Variants in CDH7 observed in about 807,000 individuals in gnomAD.
CDH7 encodes cadherin 7.
Under a neutral mutation model 71.8 loss-of-function variants are expected in CDH7, and 25 were observed. The ratio of observed to expected loss-of-function variants is 0.35; its 90% CI spans 0.25 to 0.49. CDH7 has a LOEUF of 0.49. CDH7 is among the 20% of genes least tolerant of loss of function. The pLI, the probability that CDH7 is intolerant of heterozygous loss-of-function variation, is 0.99. For synonymous variants in CDH7, 381 were observed against 363.8 expected, an observed-to-expected ratio of 1.05 and a Z score of -0.54; for missense variants, 862 against 974.6, an observed-to-expected ratio of 0.88 and a Z score of 1.54.
intron 11 of CDH7, among the ~76,000 whole-genome samples, chr18:65,869,545 ATTTTTTT>A (rs10696115): frequency 1.1e-4 from 10 of 91,374 alleles, no homozygotes; most frequent in South Asian, 8.5e-4. Flanking sequence ...AAGTGGGTCA[ATTTTTTT>A]TTTTTTTTTT....
intron 2 of CDH7, among the ~76,000 whole-genome samples, chr18:65,767,312 A>G (rs1916407651): frequency 6.6e-6 from 1 of 152,152 alleles, no homozygotes; most frequent in Admixed American, 6.5e-5. Flanking sequence ...CCTGATATCT[A>G]AAGATACATT....
At chr18:65,781,771 C>CTTTCTTTCTTTCTTTCTTTCTATCTTTCT (rs1568181257) in intron 2 of CDH7, among the ~76,000 whole-genome samples, 3 of 39,082 alleles carry the variant, frequency 7.7e-5, no homozygotes, top group Non-Finnish European at 1.0e-4. Context: ...TCTTTCTTTC[C>CTTTCTTTCTTTCTTTCTTTCTATCTTTCT]TTCCTTCCTT....
intron 6 of CDH7, among the ~76,000 whole-genome samples, chr18:65,832,652 A>T (rs1912391557): frequency 1.3e-5 from 2 of 152,098 alleles, no homozygotes; most frequent in Admixed American, 6.5e-5. Context: ...TTCTATGATA[A>T]CCTTTATAAC....
chr18:65,853,928 T>TATCC (rs1555689506), intron 7 of CDH7, among the ~76,000 whole-genome samples: 23 of 98,084 alleles, frequency 2.3e-4, no homozygotes, highest in African/African-American at 8.1e-4. Flanking sequence ...TATATATATA[T>TATCC]ATATATATAT....
rs34255831 is a variant in CDH7 at position 65,833,590 on chromosome 18, A to G, written c.981+8759A>G. ...TTCTGAACTTCAGATTATATTTTCCACTTAATTCAATCATTGTTACTATGT... is the reference window on the plus strand; with the variant it reads ...TTCTGAACTTCAGATTATATTTTCCGCTTAATTCAATCATTGTTACTATGT... On this transcript the variant is annotated intron_variant, in intron 6 of 11. Coordinates refer to ENST00000397968, the MANE Select transcript of CDH7 (RefSeq NM_004361.5). Among the ~76,000 whole-genome samples the G allele has an allele frequency of 5.3e-3, 802 of 152,238 alleles. 3 individuals carry two copies. Among genetic ancestry groups the G allele is most frequent in the South Asian group, 0.011 (54 of 4,820 alleles).
At chr18:65,862,489 T>C (rs1229524159) in intron 10 of CDH7, among the ~76,000 whole-genome samples, 177 bp from the exon 11 acceptor site, 1 of 152,230 alleles carries the variant, frequency 6.6e-6, no homozygotes, top group Non-Finnish European at 1.5e-5. Flanking sequence ...TTATAATGTA[T>C]TAAACTGGAA....
At chr18:65,805,356 A>C (rs908484219) in intron 2 of CDH7, among the ~76,000 whole-genome samples, 1 of 152,204 alleles carries the variant, frequency 6.6e-6, no homozygotes, top group Non-Finnish European at 1.5e-5. Context: ...AGTGAGAACT[A>C]GTCCAGCATG....
At chr18:65,849,265 G>C (rs957562937) in intron 7 of CDH7, among the ~76,000 whole-genome samples, 1 of 152,076 alleles carries the variant, frequency 6.6e-6, no homozygotes, top group Non-Finnish European at 1.5e-5. Context: ...CATTAGAGTA[G>C]TGTACTTACT....
intron 7 of CDH7, among the ~76,000 whole-genome samples, chr18:65,850,057 G>A (rs1913090538): frequency 6.6e-6 from 1 of 151,130 alleles, no homozygotes; most frequent in Non-Finnish European, 1.5e-5. Flanking sequence ...CCAGCTACTC[G>A]GGAGGCTGAG....
At position 65,782,051 on chromosome 18, in the gene CDH7, TTCCTTCCTTC is replaced by T. The variant is rs1568182267; in HGVS notation, c.210+19000_210+19009del. On this transcript the variant is annotated intron_variant, in intron 2 of 11. Transcript: ENST00000397968. Reference sequence around the variant, plus strand: ...CTCCCTTCCTTCCTTCCTTCCTTCCTTCCTTCCTTCCTTTCTTTCTTTCTTTCTTTCCTTC... The same window carrying T: ...CTCCCTTCCTTCCTTCCTTCCTTCCTCTTTCTTTCTTTCTTTCTTTCCTTC... Among the ~76,000 whole-genome samples the T allele has an allele frequency of 2.1e-4, 13 of 62,148 alleles. 5 individuals are homozygous for T. The highest frequency in any genetic ancestry group is 1.3e-3 in the African/African-American group (9 of 7,114). The allele number at this position is 62,148 out of a possible 152,430, so 40.8% of individuals were successfully genotyped here. A position where few individuals can be genotyped will look rare whatever the true frequency, so the allele number is the denominator to read the frequency against.
chr18:65,753,695 G>T (rs1464720251), intron 1 of CDH7, among the ~76,000 whole-genome samples: 1 of 152,140 alleles, frequency 6.6e-6, no homozygotes, highest in Non-Finnish European at 1.5e-5. Context: ...CATCTCCCCA[G>T]CGTCTGACAA....
chr18:65,783,208 A>C (rs1362408780), intron 2 of CDH7, among the ~76,000 whole-genome samples: 4 of 152,234 alleles, frequency 2.6e-5, no homozygotes, highest in Non-Finnish European at 5.9e-5. Flanking sequence ...TTTGGACCAC[A>C]GTGCATGAAA....
chr18:65,816,447 T>C (rs1374156357), intron 4 of CDH7, among the ~76,000 whole-genome samples: 2 of 152,158 alleles, frequency 1.3e-5, no homozygotes, highest in African/African-American at 2.4e-5. Context: ...GTCTGATTCA[T>C]TTATATGTGA....
chr18:65,806,699 C>A (rs1398543707), intron 2 of CDH7, among the ~76,000 whole-genome samples: 1 of 151,914 alleles, frequency 6.6e-6, no homozygotes, highest in Non-Finnish European at 1.5e-5. Flanking sequence ...CACGTGCCTG[C>A]AGAGACACTT....
At chr18:65,815,469 A>T (rs1358985010) in intron 4 of CDH7, among the ~76,000 whole-genome samples, 1 of 152,228 alleles carries the variant, frequency 6.6e-6, no homozygotes, top group Non-Finnish European at 1.5e-5. Context: ...TCCTAAATGA[A>T]TATTTTAATG....
chr18:65,813,355 A>G (rs1410795231), intron 3 of CDH7, among the ~76,000 whole-genome samples: 1 of 152,174 alleles, frequency 6.6e-6, no homozygotes, highest in Non-Finnish European at 1.5e-5. Flanking sequence ...AAAATAAAAT[A>G]AAAACTTCAG....
chr18:65,857,675 G>C, intron 7 of CDH7, 141 bp from the exon 8 acceptor site: 1 of 754,876 alleles, frequency 1.3e-6, no homozygotes, highest in Non-Finnish European at 2.1e-6. Context: ...TTTAAACCAG[G>C]CATGCATTTA....
In CDH7 at chr18:65,824,651, T is replaced by C; in HGVS notation, c.801T>C (p.Tyr267=). The change falls in exon 6 of 12, where the codon TAT becomes TAC. Residue 267 remains tyrosine, a synonymous_variant. Coordinates refer to ENST00000397968, the MANE Select transcript of CDH7 (RefSeq NM_004361.5). ...DNPPRFPRRS[Y]QYNVPESLPV... is the part of the protein sequence containing the mutation. ...TTGCTTTGAATTTCACAGGGTCTTA[T>C]CAATATAACGTCCCAGAGTCATTAC... 1 of 1,567,972 alleles carries C rather than the reference T, an allele frequency of 6.4e-7. No individual in the cohort carries two copies.
At chr18:65,879,073 C>A (rs757104998) in intron 11 of CDH7, among the ~76,000 whole-genome samples, 8 of 152,132 alleles carry the variant, frequency 5.3e-5, no homozygotes, top group Non-Finnish European at 8.8e-5. Context: ...AAGATGAATT[C>A]ATTTTATTTA....
Sources: gnomAD v4.1 joint callset for allele counts (sites outside exome capture counted in the v4.1 genomes callset) on GRCh38, gnomAD v4.1.1 for gene constraint, MANE v1.5 for transcripts, NCBI Gene and HGNC (gene_info 2026-07-23, HGNC 2026-07-21) for gene names.